Variants in POLR1C observed in about 807,000 individuals in gnomAD.
POLR1C encodes the protein DNA-directed RNA polymerases I and III subunit RPAC1.
A neutral mutation model predicts 38.3 loss-of-function variants in POLR1C; 42 were observed. That is an observed-to-expected ratio of 1.10 (90% CI 0.86 to 1.42). The LOEUF (loss-of-function observed/expected upper bound fraction) is 1.42. POLR1C is among the 40% of genes most tolerant of loss of function. POLR1C has a pLI of 0.00. For synonymous variants in POLR1C, 163 were observed against 163.9 expected (o/e 0.99, Z 0.04); for missense variants, 507 against 450.5 (o/e 1.13, Z -1.14).
intron 9 of POLR1C, chr6:43,539,786 G>A (rs1234310797): frequency 8.8e-6 from 5 of 570,154 alleles, no homozygotes; most frequent in African/African-American, 3.8e-5. Context: ...GTTCCTTGAA[G>A]GTCTGGGAGA....
intron 9 of POLR1C, among the ~76,000 whole-genome samples, chr6:43,543,503 G>C (rs1203908727): frequency 6.6e-6 from 1 of 152,032 alleles, no homozygotes; most frequent in Non-Finnish European, 1.5e-5. Flanking sequence ...CAGAATAGTA[G>C]TTATCTTTGA....
At position 43,529,270 on chromosome 6, in the gene POLR1C, C is replaced by T. The variant is rs111715773; in HGVS notation, c.944C>T (p.Ala315Val). Reference sequence around the variant, plus strand: ...TCAGGTAAGAAAGATTTGCTGGCTGCGGTGGCTCACACCTGTAATCCCAGC... The same window carrying T: ...TCAGGTAAGAAAGATTTGCTGGCTGTGGTGGCTCACACCTGTAATCCCAGC... Residue 315 changes from alanine (A) to valine (V), a missense_variant, in exon 9 of 9, where the codon GCG (alanine) becomes GTG (valine). Ala to Val is a moderately conservative substitution (Grantham distance 64). Transcript: ENST00000304004. The T allele has an allele frequency of 1.2e-3, 1,588 of 1,345,480 alleles. 14 individuals carry two copies. The African/African-American group carries it at 0.019, about 16-fold the overall frequency. 83.3% of individuals were successfully genotyped at this position (1,345,480 alleles called of 1,614,324 possible). A position where few individuals can be genotyped will look rare whatever the true frequency, so the allele number is the denominator to read the frequency against.
chr6:43,541,849 C>T (rs1049533513), intron 9 of POLR1C, among the ~76,000 whole-genome samples: 2 of 152,218 alleles, frequency 1.3e-5, no homozygotes, highest in African/African-American at 2.4e-5. Context: ...ACGATCTTAG[C>T]TCACTGTAAC....
At chr6:43,547,534 A>G in intron 9 of POLR1C, 1 of 1,407,710 alleles carries the variant, frequency 7.1e-7, no homozygotes, top group African/African-American at 1.4e-5. Context: ...CAAATCTATG[A>G]GAAACTTGAC....
chr6:43,525,547 T>A (rs565838064), downstream of POLR1C: 3 of 518,294 alleles, frequency 5.8e-6, no homozygotes, highest in African/African-American at 3.8e-5. Flanking sequence ...AGAAAACCTG[T>A]ATGTGTAGGA....
intron 9 of POLR1C, chr6:43,548,425 T>G: frequency 1.2e-6 from 2 of 1,603,054 alleles, no homozygotes; most frequent in Non-Finnish European, 1.7e-6. Flanking sequence ...TGGAGAGGAG[T>G]TGCTTCACAT....
At chr6:43,531,043 C>A (rs932812073), downstream of POLR1C, among the ~76,000 whole-genome samples, 3 of 152,180 alleles carry the variant, frequency 2.0e-5, no homozygotes, top group Non-Finnish European at 2.9e-5. Flanking sequence ...TGTGGACTTA[C>A]AATGGACGAT....
chr6:43,558,167 T>C (rs1365954399), intron 10 of POLR1C, among the ~76,000 whole-genome samples: 1 of 151,570 alleles, frequency 6.6e-6, no homozygotes, highest in Non-Finnish European at 1.5e-5. Context: ...TAGAATAAAA[T>C]GGATTTTTCC....
chr6:43,517,382 G>T lies in POLR1C; in HGVS notation c.141+5G>T. On this transcript the variant is annotated splice_donor_5th_base_variant and intron_variant, in intron 2 of 8. Coordinates refer to ENST00000642195, the MANE Select transcript of POLR1C (RefSeq NM_203290.4). The stretch of plus-strand genomic sequence containing the variant: ...GACCAGGACCGCTTCGAGAAGGTAA[G>T]TGGGGCCGGAGTTGTCTGGGGAGGG... 6.2e-7 allele frequency: 1 copy of T among 1,613,760 alleles called. No homozygotes were observed. The highest frequency in any genetic ancestry group is 8.5e-7 in the Non-Finnish European group (1 of 1,179,728).
At chr6:43,556,294 T>TGGGCA (rs1464744853) in intron 10 of POLR1C, among the ~76,000 whole-genome samples, 2 of 152,050 alleles carry the variant, frequency 1.3e-5, no homozygotes, top group Admixed American at 6.6e-5. Flanking sequence ...GAGGCCAAGG[T>TGGGCA]GGGCAGACTG....
chr6:43,533,248 A>ACACACACAC (rs2127710475), downstream of POLR1C: 1 of 139,274 alleles, frequency 7.2e-6, no homozygotes, highest in Non-Finnish European at 1.5e-5. Context: ...ACACACACAC[A>ACACACACAC]CACACACACA....
intron 10 of POLR1C, chr6:43,551,198 C>G: frequency 7.8e-7 from 1 of 1,283,704 alleles, no homozygotes; most frequent in Non-Finnish European, 1.0e-6. Flanking sequence ...TGAGTCCAGC[C>G]TGGGCAATGT....
downstream of POLR1C, chr6:43,523,964 C>A: frequency 6.2e-7 from 1 of 1,613,896 alleles, no homozygotes; most frequent in Non-Finnish European, 8.5e-7. Flanking sequence ...AGGGAAGATT[C>A]TTAATGTGAA....
rs954928056 is a variant in POLR1C at position 43,560,819 on chromosome 6, G to A, written c.*49-581G>A. 2.0e-5 allele frequency: 19 copies of A among 973,780 alleles called. No individual in the cohort carries two copies. In the Admixed American group the frequency reaches 3.1e-4, roughly 16 times the overall value. The allele number at this position is 973,780 out of a possible 1,614,324, so 60.3% of individuals were successfully genotyped here. A position where few individuals can be genotyped will look rare whatever the true frequency, so the allele number is the denominator to read the frequency against. ...ACACTACGGTCATTCCCCAAGGCCT[G>A]AAGAGTCACATTTTATACATGATCT... On this transcript the variant is annotated intron_variant, in intron 10 of 10. Transcript: ENST00000607635.
chr6:43,523,198 C>A, downstream of POLR1C: 1 of 171,516 alleles, frequency 5.8e-6, no homozygotes, highest in Non-Finnish European at 1.3e-5. Context: ...GGGATGTTAG[C>A]ACTAAAGACT....
chr6:43,548,467 A>T, intron 9 of POLR1C: 3 of 1,531,604 alleles, frequency 2.0e-6, no homozygotes, highest in Non-Finnish European at 2.7e-6. Flanking sequence ...TGGGCTACAG[A>T]TCAAAAAGAA....
At chr6:43,531,041 T>TA (rs776910842), downstream of POLR1C, among the ~76,000 whole-genome samples, 30 of 152,202 alleles carry the variant, frequency 2.0e-4, no homozygotes, top group Middle Eastern at 6.3e-3. Context: ...AATGTGGACT[T>TA]ACAATGGACG....
In POLR1C at chr6:43,520,858, A is replaced by C. The variant is rs961302923; in HGVS notation, c.806-74A>C. The C allele has an allele frequency of 7.5e-6, 12 of 1,600,638 alleles. No individual in the cohort carries two copies. The South Asian group carries it at 1.2e-4, about 16-fold the overall frequency. The stretch of plus-strand genomic sequence containing the variant: ...ACAGAAATAAAAACCCTGGGCTCCT[A>C]AAAGTATAACCTGGTTTGCTACCAA... On this transcript the variant is annotated intron_variant, in intron 7 of 8. Transcript: ENST00000642195.
intron 9 of POLR1C, among the ~76,000 whole-genome samples, chr6:43,548,871 C>G (rs1316263470): frequency 2.6e-5 from 4 of 151,976 alleles, no homozygotes; most frequent in Non-Finnish European, 5.9e-5. Flanking sequence ...TTTGCATCTG[C>G]TTTTCTCAAG....
Sources: allele counts gnomAD v4.1 joint callset (sites outside exome capture counted in the v4.1 genomes callset), GRCh38; gene constraint gnomAD v4.1.1; transcripts MANE v1.5; gene names NCBI Gene and HGNC (gene_info 2026-07-23, HGNC 2026-07-21).